ERC1: variants seen among roughly 807,000 people sequenced by gnomAD.
ERC1 encodes RAB6 interacting protein 2.
Under a neutral mutation model 132.0 loss-of-function variants are expected in ERC1, and 56 were observed. The observed-to-expected ratio is 0.42, with a 90% CI of 0.34 to 0.53. The LOEUF (loss-of-function observed/expected upper bound fraction) is 0.53. Among genes scored for constraint, ERC1 ranks in the 20% least tolerant of loss-of-function variants. The probability of loss-of-function intolerance (pLI) is 0.03; values close to 1 mark genes in which losing one functional copy is unlikely to be tolerated. For synonymous variants in ERC1, 478 were observed against 476.1 expected, an observed-to-expected ratio of 1.00 and a Z score of -0.05; for missense variants, 1,202 against 1,349.9, an observed-to-expected ratio of 0.89 and a Z score of 1.72.
chr12:1,207,334 C>T (rs866783823), intron 12 of ERC1, among the ~76,000 whole-genome samples: 12 of 151,974 alleles, frequency 7.9e-5, no homozygotes, highest in South Asian at 2.1e-4. Context: ...TTTATAGGCC[C>T]TAGAAAATTT....
chr12:1,482,286 T>C (rs573918362), intron 18 of ERC1, among the ~76,000 whole-genome samples: 327 of 152,186 alleles, frequency 2.1e-3, no homozygotes, highest in Non-Finnish European at 3.2e-3. Flanking sequence ...CCATTTTCTG[T>C]CCCCTGCTGT....
At chr12:1,258,216 G>A (rs74493286) in intron 13 of ERC1, among the ~76,000 whole-genome samples, 6,591 of 152,222 alleles carry the variant, frequency 0.043, 276 homozygotes, top group Admixed American at 0.12. Context: ...AGATGCTTCA[G>A]ATCCTTCAAA....
intron 1 of ERC1, among the ~76,000 whole-genome samples, chr12:1,018,466 C>T (rs754378684): frequency 1.4e-4 from 22 of 152,226 alleles, no homozygotes; most frequent in Non-Finnish European, 2.5e-4. Context: ...CCGCCTGCCT[C>T]GGCCTCCCAA....
chr12:1,112,587 C>T (rs1230461264), intron 6 of ERC1, among the ~76,000 whole-genome samples: 1 of 152,216 alleles, frequency 6.6e-6, no homozygotes, highest in Non-Finnish European at 1.5e-5. Context: ...GTTTCTTTCT[C>T]AACCCTTTAT....
Position 1,290,606 on chromosome 12 carries a change from G to A in ERC1, c.2780+594G>A, listed in dbSNP as rs76410431. ...ATACATCTGCTAATACATAGTAGAT[G>A]TTTCTTTTACTTCTCAGTGACCTTC... On this transcript the variant is annotated intron_variant, in intron 15 of 18. Transcript: ENST00000360905. Among the ~76,000 whole-genome samples the A allele has an allele frequency of 1.0e-3, 158 of 152,264 alleles. 1 individual carries two copies. Among genetic ancestry groups the A allele is most frequent in the African/African-American group, 3.6e-3 (149 of 41,542 alleles).
At chr12:1,384,403 T>C (rs1020214947) in intron 16 of ERC1, among the ~76,000 whole-genome samples, 1 of 152,238 alleles carries the variant, frequency 6.6e-6, no homozygotes, top group Admixed American at 6.5e-5. Context: ...TGTGTGCTCA[T>C]AACCCTAAAT....
rs1429126948 is a variant in ERC1 at position 1,178,454 on chromosome 12, A to G, written c.1738-2086A>G. On this transcript the variant is annotated intron_variant, in intron 8 of 18. Coordinates refer to ENST00000360905, the MANE Select transcript of ERC1 (RefSeq NM_178040.4). Reference sequence around the variant, plus strand: ...GACATGTATAAAACAAAGATTACATATGGTTTCATACACTAATCAGTGCTA... The same window carrying G: ...GACATGTATAAAACAAAGATTACATGTGGTTTCATACACTAATCAGTGCTA... 3.3e-5 allele frequency among the ~76,000 whole-genome samples: 5 copies of G among 152,312 alleles called. No homozygotes were observed. The East Asian group carries it at 9.6e-4, about 29-fold the overall frequency.
chr12:1,404,225 T>TG (rs2091295733), intron 16 of ERC1, among the ~76,000 whole-genome samples: 1 of 152,222 alleles, frequency 6.6e-6, no homozygotes, highest in Non-Finnish European at 1.5e-5. Context: ...CACTGCATCT[T>TG]CACACTGCAG....
intron 12 of ERC1, among the ~76,000 whole-genome samples, chr12:1,198,919 ACC>A (rs1956599897): frequency 1.4e-5 from 2 of 147,264 alleles, no homozygotes; most frequent in Admixed American, 1.3e-4. Context: ...ACCAGGCCCC[ACC>A]TCCAACACTG....
At chr12:1,271,147 G>A (rs541330690) in intron 14 of ERC1, among the ~76,000 whole-genome samples, 10 of 145,994 alleles carry the variant, frequency 6.8e-5, no homozygotes. Flanking sequence ...CAGAAAAAAA[G>A]AAGTATAAAA....
Position 1,141,634 on chromosome 12 carries a change from A to T in ERC1, c.1584A>T (p.Arg528=). The T allele has an allele frequency of 6.2e-7, 1 of 1,610,562 alleles. No individual in the cohort carries two copies. The highest frequency in any genetic ancestry group is 8.5e-7 in the Non-Finnish European group (1 of 1,178,316). Residue 528 remains arginine, a synonymous_variant, in exon 8 of 19, where the codon CGA becomes CGT. Transcript: ENST00000360905. ...AILQTEVDAL[R]LRLEEKETML... Reference sequence around the variant, plus strand: ...TACATTCTTAGGTGGATGCTCTCCGATTGCGTTTGGAAGAGAAGGAAACCA... The same window carrying T: ...TACATTCTTAGGTGGATGCTCTCCGTTTGCGTTTGGAAGAGAAGGAAACCA...
intron 13 of ERC1, among the ~76,000 whole-genome samples, chr12:1,239,570 T>A (rs920866689): frequency 6.6e-6 from 1 of 152,000 alleles, no homozygotes; most frequent in Non-Finnish European, 1.5e-5. Context: ...TTTAAGAAAT[T>A]AGCCTGGCAG....
In ERC1 at chr12:1,181,948, G is replaced by A. The variant is rs528169402; in HGVS notation, c.1899G>A (p.Lys633=). 3 of 1,613,886 alleles carry A rather than the reference G, an allele frequency of 1.9e-6. No individual in the cohort carries two copies. Among genetic ancestry groups the A allele is most frequent in the East Asian group, 4.5e-5 (2 of 44,872 alleles). ...AGGAGCGGACAATTGAACGCTTAAAGGAGCAGAGGGACAGAGATGAGCGAG... is the reference window on the plus strand; with the variant it reads ...AGGAGCGGACAATTGAACGCTTAAAAGAGCAGAGGGACAGAGATGAGCGAG... ...AEKERTIERL[K]EQRDRDEREK... is the part of the protein sequence containing the mutation. The change falls in exon 10 of 19, where the codon AAG becomes AAA. Residue 633 remains lysine (K), a synonymous_variant. Coordinates refer to ENST00000360905, the MANE Select transcript of ERC1 (RefSeq NM_178040.4).
At chr12:1,407,344 T>C (rs2091564452) in intron 16 of ERC1, among the ~76,000 whole-genome samples, 3 of 151,926 alleles carry the variant, frequency 2.0e-5, no homozygotes. Context: ...CTGTAGTAAA[T>C]TGTAATAGTT....
intron 17 of ERC1, among the ~76,000 whole-genome samples, chr12:1,436,621 G>C (rs1304654415): frequency 3.9e-5 from 6 of 152,194 alleles, no homozygotes; most frequent in Admixed American, 3.9e-4. Context: ...GCAGACATGT[G>C]ATAATGCCAA....
intron 15 of ERC1, among the ~76,000 whole-genome samples, chr12:1,311,204 T>C (rs2081280362): frequency 6.6e-6 from 1 of 152,270 alleles, no homozygotes; most frequent in Non-Finnish European, 1.5e-5. Context: ...GAATTCTGCC[T>C]GTGTCACTTA....
chr12:1,260,849 T>C (rs2077097929), intron 13 of ERC1, among the ~76,000 whole-genome samples: 1 of 152,244 alleles, frequency 6.6e-6, no homozygotes, highest in Non-Finnish European at 1.5e-5. Context: ...ATATTACTTA[T>C]CAGCCATTTC....
At chr12:1,162,043 G>C (rs988506839) in intron 8 of ERC1, among the ~76,000 whole-genome samples, 2 of 152,200 alleles carry the variant, frequency 1.3e-5, no homozygotes, top group Admixed American at 6.5e-5. Context: ...ACTGTGGACT[G>C]TCTCTGGTTC....
intron 13 of ERC1, chr12:1,257,266 G>T (rs1206242027): frequency 1.3e-5 from 2 of 152,192 alleles, no homozygotes; most frequent in Admixed American, 1.3e-4. Flanking sequence ...CTGAATCCTG[G>T]TTGACATCTT....
Sources: gnomAD v4.1 joint callset for allele counts (sites outside exome capture counted in the v4.1 genomes callset) on GRCh38, gnomAD v4.1.1 for gene constraint, MANE v1.5 for transcripts, NCBI Gene and HGNC (gene_info 2026-07-23, HGNC 2026-07-21) for gene names.